Variants in DEPDC5 observed in about 807,000 individuals in gnomAD.
DEPDC5 encodes the protein DEP domain containing 5, GATOR1 subcomplex subunit, also known as GATOR1 complex protein DEPDC5.
Under a neutral mutation model 217.3 loss-of-function variants are expected in DEPDC5, and 73 were observed. The observed-to-expected ratio is 0.34, with a 90% CI of 0.28 to 0.41. The LOEUF (loss-of-function observed/expected upper bound fraction) is 0.41, where lower values mean the gene tolerates loss of function less well. Ranked by LOEUF, DEPDC5 falls within the 10% of genes least tolerant of loss-of-function variation. The pLI, the probability that DEPDC5 is intolerant of heterozygous loss-of-function variation, is 1.00. For synonymous variants in DEPDC5, 733 were observed against 756.7 expected, an observed-to-expected ratio of 0.97 and a Z score of 0.51; for missense variants, 1,675 against 2,070.1, an observed-to-expected ratio of 0.81 and a Z score of 3.70.
chr22:31,765,976 G>C (rs143864807), intron 5 of DEPDC5, among the ~76,000 whole-genome samples: 1 of 152,170 alleles, frequency 6.6e-6, no homozygotes, highest in Non-Finnish European at 1.5e-5. Flanking sequence ...TGAGTGAGCT[G>C]AGATCGTGCC....
Position 31,901,805 on chromosome 22 carries a change from T to C in DEPDC5, c.4436+3T>C, listed in dbSNP as rs2093653178. On this transcript the variant is annotated splice_donor_region_variant and intron_variant, in intron 41 of 42. Transcript: ENST00000651528. ...TTCCAGGAAGCCATTGCACACAGGT[T>C]TGTCCCTTAGCAAGTGTGAAGAGTG... The C allele has an allele frequency of 6.2e-7, 1 of 1,613,060 alleles. No homozygotes were observed. Among genetic ancestry groups the C allele is most frequent in the Non-Finnish European group, 8.5e-7 (1 of 1,179,514 alleles).
rs898255146 is a variant in DEPDC5, at chr22:31,778,107, C to T, written c.422C>T (p.Ala141Val). The change falls in exon 8 of 43, where the codon GCT becomes GTT. Residue 141 changes from alanine to valine, a missense_variant. Around this residue, in one of 11 missense-constraint regions of DEPDC5, gnomAD observed 628 missense variants for 762.1 expected, o/e 0.82. Coordinates refer to ENST00000651528, the MANE Select transcript of DEPDC5 (RefSeq NM_001242896.3). Reference protein sequence around the residue: ...KVEFAGIRAQAGELWVKNEKV... With the variant: ...KVEFAGIRAQVGELWVKNEKV... ...TGTGTGTATTCTTTCAGAGCACAGG[C>T]TGGTGAACTGTGGGTTAAGAATGAG... The T allele has an allele frequency of 1.2e-6, 2 of 1,614,140 alleles. No individual in the cohort carries two copies. The highest frequency in any genetic ancestry group is 1.7e-5 in the Admixed American group (1 of 60,002).
At chr22:31,778,895 CAT>C (rs1335954969) in intron 8 of DEPDC5, among the ~76,000 whole-genome samples, 2 of 152,140 alleles carry the variant, frequency 1.3e-5, no homozygotes, top group African/African-American at 4.8e-5. Context: ...TGTCTAAAGA[CAT>C]ATTTGGTTGT....
At chr22:31,894,862 A>C (rs1000985175) in intron 39 of DEPDC5, 1 of 150,660 alleles carries the variant, frequency 6.6e-6, no homozygotes, top group South Asian at 2.1e-4. Context: ...AAAGGAAAAA[A>C]AAAAAGAAGG....
intron 10 of DEPDC5, 157 bp downstream of exon 10, chr22:31,785,032 A>G: frequency 1.6e-6 from 1 of 613,426 alleles, no homozygotes; most frequent in Non-Finnish European, 2.8e-6. Context: ...ATTTATGAGA[A>G]TTTATGAAAA....
intron 4 of DEPDC5, among the ~76,000 whole-genome samples, chr22:31,762,252 CTT>C (rs956822937): frequency 1.4e-4 from 21 of 152,176 alleles, no homozygotes; most frequent in African/African-American, 5.1e-4. Context: ...CCCAACAACT[CTT>C]GAGTGAGTGA....
chr22:31,780,360 C>T (rs1225539946), intron 8 of DEPDC5, among the ~76,000 whole-genome samples: 1 of 152,084 alleles, frequency 6.6e-6, no homozygotes, highest in Non-Finnish European at 1.5e-5. Context: ...ATGGGGAAGA[C>T]AGGGAAGAAG....
chr22:31,900,460 C>G (rs1359754262), intron 40 of DEPDC5, among the ~76,000 whole-genome samples: 1 of 151,754 alleles, frequency 6.6e-6, no homozygotes. Flanking sequence ...GGGGGTGGGC[C>G]GAGTGTAGTG....
chr22:31,796,139 C>T (rs1015109696), intron 12 of DEPDC5, among the ~76,000 whole-genome samples: 1 of 143,280 alleles, frequency 7.0e-6, no homozygotes, highest in Non-Finnish European at 1.5e-5. Flanking sequence ...CTCGCTCTGT[C>T]GCCCAGGCTG....
At chr22:31,785,951 G>A (rs2108108) in intron 10 of DEPDC5, among the ~76,000 whole-genome samples, 49,550 of 151,876 alleles carry the variant, frequency 0.33, 9,197 homozygotes, top group African/African-American at 0.52. Flanking sequence ...TGTAACCAAA[G>A]TGAATCAAAG....
chr22:31,881,924 C>CGACTCCATCTCAAAAGTGATGGAGTGA (rs1300211416), intron 38 of DEPDC5, among the ~76,000 whole-genome samples: 3 of 147,434 alleles, frequency 2.0e-5, no homozygotes, highest in African/African-American at 7.6e-5. Flanking sequence ...CCAGCCTGGG[C>CGACTCCATCTCAAAAGTGATGGAGTGA]GACTCCATCT....
At position 31,906,062 on chromosome 22, in the gene DEPDC5, T is replaced by C. The variant is rs866788423; in HGVS notation, c.4515T>C (p.Val1505=). 5 of 1,614,168 alleles carry C rather than the reference T, an allele frequency of 3.1e-6. No individual in the cohort carries two copies. Among genetic ancestry groups the C allele is most frequent in the Admixed American group, 1.7e-5 (1 of 60,020 alleles). Residue 1505 remains valine, a synonymous_variant, in exon 42 of 43, where the codon GTT becomes GTC. Transcript: ENST00000651528. This position sits in a 1 kb window ranked among gnomAD's most constrained non-coding sequence, Gnocchi z 5.1. The stretch of plus-strand genomic sequence containing the variant: ...AGAACAAGCCTCAGTATATCCACGT[T>C]ACAGGTGAGGAGCTACGGGCAGAGT... ...PAENKPQYIH[V]TGTVFLQLPY...
At chr22:31,829,547 A>G (rs999287361) in intron 24 of DEPDC5, among the ~76,000 whole-genome samples, 1 of 152,134 alleles carries the variant, frequency 6.6e-6, no homozygotes, top group African/African-American at 2.4e-5. Context: ...GAAAAAAAAA[A>G]TCAGAGAAAA....
rs1282681755 is a variant in DEPDC5 at position 31,832,023 on chromosome 22, T to C, written c.2105-1892T>C. Among the ~76,000 whole-genome samples the C allele has an allele frequency of 2.6e-5, 4 of 152,234 alleles. No individual in the cohort carries two copies. In the South Asian group the frequency reaches 6.2e-4, roughly 24 times the overall value. On this transcript the variant is annotated intron_variant, in intron 24 of 42. Transcript: ENST00000651528. The stretch of plus-strand genomic sequence containing the variant: ...ATGTAACATACATGGAATCATACAG[T>C]ATGTAATTTTTTGAGTCTGGCTTAT...
chr22:31,861,539 G>T, intron 33 of DEPDC5, 106 bp downstream of exon 33: 1 of 1,206,764 alleles, frequency 8.3e-7, no homozygotes, highest in Non-Finnish European at 1.2e-6. Context: ...ACTAAGTTTG[G>T]GGGGCAGTTG....
At chr22:31,793,718 C>G (rs1336021020) in intron 12 of DEPDC5, among the ~76,000 whole-genome samples, 1 of 151,944 alleles carries the variant, frequency 6.6e-6, no homozygotes, top group South Asian at 2.1e-4. Context: ...TACAGGCGCC[C>G]GTGACCACGC....
intron 24 of DEPDC5, among the ~76,000 whole-genome samples, chr22:31,824,358 AAAAAG>A (rs2089969676): frequency 2.0e-5 from 3 of 152,304 alleles, no homozygotes; most frequent in African/African-American, 4.8e-5. Context: ...AAAGAAAAAA[AAAAAG>A]AAAGGTGTCA....
chr22:31,775,850 G>A (rs1358681185), intron 7 of DEPDC5, among the ~76,000 whole-genome samples: 1 of 151,536 alleles, frequency 6.6e-6, no homozygotes, highest in Non-Finnish European at 1.5e-5. Context: ...GACCAGCCTG[G>A]CCAACATGGT....
intron 14 of DEPDC5, among the ~76,000 whole-genome samples, chr22:31,801,103 G>A (rs888269894): frequency 4.0e-5 from 6 of 151,756 alleles, no homozygotes; most frequent in Non-Finnish European, 7.4e-5. Context: ...GAGCAGCCTG[G>A]CCAACATGGC....
Sources: allele counts gnomAD v4.1 joint callset (sites outside exome capture counted in the v4.1 genomes callset), GRCh38; gene constraint gnomAD v4.1.1; regional missense constraint gnomAD v4.1.1; non-coding constraint Gnocchi (gnomAD v3.1); transcripts MANE v1.5; gene names NCBI Gene and HGNC (gene_info 2026-07-23, HGNC 2026-07-21).